The following SYNPR variants were observed in gnomAD, a reference collection of about 807,000 sequenced individuals.
SYNPR encodes synaptoporin.
In SYNPR, 23 loss-of-function variants were observed where a neutral mutation model predicts 32.9. The observed-to-expected ratio is 0.70, with a 90% CI of 0.50 to 0.99. The LOEUF is 0.99. Ranked by LOEUF, SYNPR falls within the 50% of genes least tolerant of loss-of-function variation. The pLI is 0.00. For missense variants in SYNPR, 318 were observed against 349.3 expected, an observed-to-expected ratio of 0.91 and a Z score of 0.71; for synonymous variants, 146 against 135.9, an observed-to-expected ratio of 1.07 and a Z score of -0.52.
intron 4 of SYNPR, among the ~76,000 whole-genome samples, chr3:63,581,364 AAAAG>A (rs1703088803): frequency 6.6e-6 from 1 of 152,180 alleles, no homozygotes; most frequent in Admixed American, 6.6e-5. Context: ...AACACCAAAC[AAAAG>A]AAAGTTCCTG....
chr3:63,444,845 A>T (rs1423179900), intron 2 of SYNPR, among the ~76,000 whole-genome samples: 1 of 151,970 alleles, frequency 6.6e-6, no homozygotes, highest in African/African-American at 2.4e-5. Flanking sequence ...AAACCCACCC[A>T]AGTTATTATA....
rs552253099 is a variant in SYNPR, at chr3:63,234,023, TG to T, written n.66+5646del. Among the ~76,000 whole-genome samples, 153 of 152,248 alleles carry T rather than the reference TG, an allele frequency of 1.0e-3. 1 individual carries two copies. The Middle Eastern group carries it at 0.014, about 14-fold the overall frequency. On this transcript the variant is annotated intron_variant and non_coding_transcript_variant, in intron 1 of 4. Transcript: ENST00000478456. ...CACATACATTAGGTGTGTGGTGAAATGGGTGTATTAGTCCGTTTTCACACTG... is the reference window on the plus strand; with the variant it reads ...CACATACATTAGGTGTGTGGTGAAATGGTGTATTAGTCCGTTTTCACACTG...
chr3:63,325,103 A>G (rs1309362027), intron 2 of SYNPR, among the ~76,000 whole-genome samples: 1 of 152,098 alleles, frequency 6.6e-6, no homozygotes, highest in Non-Finnish European at 1.5e-5. Flanking sequence ...CTCTTCTCCC[A>G]ACAGGTTAGA....
At chr3:63,290,599 G>A (rs571567182) in intron 2 of SYNPR, among the ~76,000 whole-genome samples, 3 of 151,768 alleles carry the variant, frequency 2.0e-5, no homozygotes, top group East Asian at 3.9e-4. Flanking sequence ...TCACTGATCC[G>A]TTGTATAAAA....
At chr3:63,451,940 T>G in intron 2 of SYNPR, 1 of 582,388 alleles carries the variant, frequency 1.7e-6, no homozygotes. Context: ...TCAGCTCACC[T>G]CTTCACTCTG....
At chr3:63,249,328 C>A (rs1315028967) in intron 1 of SYNPR, among the ~76,000 whole-genome samples, 2 of 152,064 alleles carry the variant, frequency 1.3e-5, no homozygotes, top group Non-Finnish European at 2.9e-5. Context: ...CACTTCTATA[C>A]AAGATTGCGA....
chr3:63,294,076 A>T (rs1024754759), intron 2 of SYNPR, among the ~76,000 whole-genome samples: 2 of 152,166 alleles, frequency 1.3e-5, no homozygotes, highest in Non-Finnish European at 1.5e-5. Context: ...TTTTTTTCCC[A>T]TAATTTTAAT....
At chr3:63,515,560 G>C (rs1261066723) in intron 3 of SYNPR, among the ~76,000 whole-genome samples, 1 of 152,030 alleles carries the variant, frequency 6.6e-6, no homozygotes, top group Non-Finnish European at 1.5e-5. Context: ...AAATATCACA[G>C]AGTTCTTTTC....
chr3:63,238,943 ATATTG>A (rs1208098522), intron 1 of SYNPR, among the ~76,000 whole-genome samples: 10 of 152,154 alleles, frequency 6.6e-5, no homozygotes, highest in African/African-American at 2.4e-4. Context: ...TTAAGTCATA[ATATTG>A]TATTGTTTAA....
At chr3:63,336,423 A>G (rs1046902323) in intron 2 of SYNPR, among the ~76,000 whole-genome samples, 2 of 150,296 alleles carry the variant, frequency 1.3e-5, no homozygotes, top group Admixed American at 1.3e-4. Context: ...TTTACAATCT[A>G]AAAAGTTTAT....
intron 2 of SYNPR, among the ~76,000 whole-genome samples, chr3:63,455,086 T>G (rs190554656): frequency 6.6e-6 from 1 of 152,268 alleles, no homozygotes; most frequent in East Asian, 1.9e-4. Flanking sequence ...TTATTCTTAC[T>G]GGCCCTAATT....
the SYNPR span, among the ~76,000 whole-genome samples, chr3:63,210,795 C>A: frequency 4.7e-4 from 68 of 143,980 alleles, 1 homozygote; most frequent in Non-Finnish European, 2.6e-4. Context: ...CCATTTTCCT[C>A]CCTTCCTTCC....
At chr3:63,344,610 C>T (rs1226306129) in intron 2 of SYNPR, among the ~76,000 whole-genome samples, 1 of 128,864 alleles carries the variant, frequency 7.8e-6, no homozygotes, top group Non-Finnish European at 1.6e-5. Flanking sequence ...AGGGAACCAA[C>T]AAGAGGTAGT....
At chr3:63,320,850 CT>C (rs2087104335) in intron 2 of SYNPR, among the ~76,000 whole-genome samples, 1 of 152,052 alleles carries the variant, frequency 6.6e-6, no homozygotes, top group Non-Finnish European at 1.5e-5. Flanking sequence ...TCTGAGTTAT[CT>C]GTGAAATGAA....
intron 2 of SYNPR, among the ~76,000 whole-genome samples, chr3:63,313,720 TATATATATATCCATATATATATATCC>T (rs1396445675): frequency 2.0e-4 from 10 of 51,104 alleles, no homozygotes; most frequent in African/African-American, 2.8e-4. Flanking sequence ...TATATATCCA[TATATATATATCCATATATATATATCC>T]ATATATATAT....
At chr3:63,321,967 G>A (rs1467694277) in intron 2 of SYNPR, among the ~76,000 whole-genome samples, 11 of 152,038 alleles carry the variant, frequency 7.2e-5, no homozygotes, top group Admixed American at 5.9e-4. Context: ...GTTTGAAATT[G>A]TAACTGTTCC....
intron 2 of SYNPR, among the ~76,000 whole-genome samples, chr3:63,393,797 C>T (rs1478732012): frequency 2.6e-5 from 4 of 152,092 alleles, no homozygotes; most frequent in African/African-American, 7.2e-5. Context: ...AGGTGTGAGC[C>T]GCAGTGGCTT....
chr3:63,519,900 C>T (rs1046541568), intron 3 of SYNPR, among the ~76,000 whole-genome samples: 2 of 152,024 alleles, frequency 1.3e-5, no homozygotes, highest in African/African-American at 4.8e-5. Context: ...TATCATAATT[C>T]ACATCACCCT....
intron 3 of SYNPR, among the ~76,000 whole-genome samples, chr3:63,491,693 G>C (rs1701260065): frequency 6.6e-6 from 1 of 151,970 alleles, no homozygotes; most frequent in African/African-American, 2.4e-5. Flanking sequence ...GCTAATTTTT[G>C]TATTTTTACT....
Sources: gnomAD v4.1 joint callset for allele counts (sites outside exome capture counted in the v4.1 genomes callset) on GRCh38, gnomAD v4.1.1 for gene constraint, MANE v1.5 for transcripts, NCBI Gene and HGNC (gene_info 2026-07-23, HGNC 2026-07-21) for gene names.